The following TRIM71 variants were observed in gnomAD, a reference collection of about 807,000 sequenced individuals.
TRIM71 encodes tripartite motif containing 71.
TRIM71 carries 9 observed loss-of-function variants against 61.2 expected under a neutral mutation model. The ratio of observed to expected loss-of-function variants is 0.15; its 90% confidence interval spans 0.09 to 0.26. TRIM71 has a LOEUF of 0.26. Among genes scored for constraint, TRIM71 ranks in the 10% least tolerant of loss-of-function variants. The pLI, the probability that TRIM71 is intolerant of heterozygous loss-of-function variation, is 1.00. For synonymous variants in TRIM71, 645 were observed against 553.2 expected (o/e 1.17, Z -2.33); for missense variants, 998 against 1,238.7 (o/e 0.81, Z 2.92).
chr3:32,885,120 C>G (rs1207796474), intron 2 of TRIM71, among the ~76,000 whole-genome samples: 1 of 152,138 alleles, frequency 6.6e-6, no homozygotes, highest in Non-Finnish European at 1.5e-5. Flanking sequence ...ATTCCTAAGC[C>G]CATACCAGGC....
chr3:32,875,009 C>T (rs988824027), intron 2 of TRIM71, among the ~76,000 whole-genome samples: 2 of 151,842 alleles, frequency 1.3e-5, no homozygotes, highest in East Asian at 1.9e-4. Flanking sequence ...TTAGTAGAGA[C>T]GGGGTTTCAC....
At chr3:32,834,016 T>A (rs186016628) in intron 1 of TRIM71, among the ~76,000 whole-genome samples, 1 of 152,224 alleles carries the variant, frequency 6.6e-6, no homozygotes, top group African/African-American at 2.4e-5. Flanking sequence ...AAGAGGAAAA[T>A]TCGTTTTTCC....
chr3:32,864,031 G>A (rs1037733147), intron 1 of TRIM71, among the ~76,000 whole-genome samples: 7 of 152,006 alleles, frequency 4.6e-5, no homozygotes, highest in Admixed American at 2.6e-4. Context: ...TATGTACCAC[G>A]GTGTATGTTG....
At chr3:32,845,393 T>G (rs748925043) in intron 1 of TRIM71, among the ~76,000 whole-genome samples, 2 of 152,174 alleles carry the variant, frequency 1.3e-5, no homozygotes, top group Admixed American at 6.5e-5. Context: ...TTTAGTATAT[T>G]CAGGAGTCCC....
rs532251512 is a variant in TRIM71, at chr3:32,823,850, G to C, written c.852+4918G>C. ...CGCCTTTGGGAGGCCGAGGCGGGCG[G>C]ATCACGAGGTCAAGAGATCGAGACC... On this transcript the variant is annotated intron_variant, in intron 1 of 3. Transcript: ENST00000383763. 1.1e-4 allele frequency among the ~76,000 whole-genome samples: 16 copies of C among 152,264 alleles called. No homozygotes were observed. In the South Asian group the frequency reaches 1.2e-3, roughly 12 times the overall value.
intron 1 of TRIM71, among the ~76,000 whole-genome samples, chr3:32,849,732 CT>C (rs1198377461): frequency 1.3e-5 from 2 of 152,178 alleles, no homozygotes; most frequent in Non-Finnish European, 2.9e-5. Context: ...TCCCCTTCCA[CT>C]TTTTTTGTCC....
intron 1 of TRIM71, among the ~76,000 whole-genome samples, chr3:32,857,353 A>T (rs936344080): frequency 6.6e-6 from 1 of 152,222 alleles, no homozygotes; most frequent in Non-Finnish European, 1.5e-5. Context: ...ATGCTACTGC[A>T]GTGTCTCCTA....
chr3:32,836,653 T>C (rs1366720248), intron 1 of TRIM71, among the ~76,000 whole-genome samples: 1 of 152,230 alleles, frequency 6.6e-6, no homozygotes, highest in Non-Finnish European at 1.5e-5. Flanking sequence ...TAATGTTCTG[T>C]CTGTTAGTGA....
chr3:32,853,757 A>G (rs1373655819), intron 1 of TRIM71, among the ~76,000 whole-genome samples: 1 of 152,196 alleles, frequency 6.6e-6, no homozygotes, highest in African/African-American at 2.4e-5. Context: ...CTGTGATCCC[A>G]GCACTTTGGG....
rs1559553001 is a variant in TRIM71, at chr3:32,893,632, C to G, written c.*1821C>G. On this transcript the variant is annotated 3_prime_UTR_variant, in exon 4 of 4. Transcript: ENST00000383763. ...CTGTTCCTCTGTTTAAGAGAAATTT[C>G]TATTGCAAAATGGGTATCGTTTTAA... The G allele has an allele frequency of 6.6e-6, 1 of 152,200 alleles. No homozygotes were observed. Among genetic ancestry groups the G allele is most frequent in the African/African-American group, 2.4e-5 (1 of 41,462 alleles). 9.4% of individuals were successfully genotyped at this position (152,200 alleles called of 1,614,324 possible).
Position 32,818,855 on chromosome 3 carries a change from C to T in TRIM71, c.775C>T (p.Pro259Ser). The change falls in exon 1 of 4, where the codon CCC (proline) becomes TCC (serine). Residue 259 changes from proline (P) to serine (S), a missense_variant. Pro to Ser is a moderately conservative substitution (Grantham distance 74). Around this residue, in one of 5 missense-constraint regions of TRIM71, gnomAD observed 527 missense variants for 427.8 expected, o/e 1.23. Coordinates refer to ENST00000383763, the MANE Select transcript of TRIM71 (RefSeq NM_001039111.3). ...AAAQQLGLGP[P>S]FPGPPFSILS... Reference sequence around the variant, plus strand: ...GGCGCAGCAGCTCGGGCTCGGGCCGCCCTTTCCCGGCCCGCCCTTCTCCAT... The same window carrying T: ...GGCGCAGCAGCTCGGGCTCGGGCCGTCCTTTCCCGGCCCGCCCTTCTCCAT... The T allele has an allele frequency of 6.2e-7, 1 of 1,612,348 alleles. No homozygotes were observed. The highest frequency in any genetic ancestry group is 1.1e-5 in the South Asian group (1 of 91,070).
intron 3 of TRIM71, among the ~76,000 whole-genome samples, chr3:32,889,558 CAATTAT>C (rs1419819386): frequency 8.0e-6 from 1 of 124,372 alleles, no homozygotes; most frequent in Non-Finnish European, 1.7e-5. Flanking sequence ...CGTTTTGTCC[CAATTAT>C]TATTATTATT....
At chr3:32,837,846 G>A (rs1696353512) in intron 1 of TRIM71, among the ~76,000 whole-genome samples, 4 of 152,038 alleles carry the variant, frequency 2.6e-5, no homozygotes, top group African/African-American at 9.7e-5. Context: ...TACCTCTATG[G>A]CATTTAGCTT....
chr3:32,848,643 G>A (rs1256331453), intron 1 of TRIM71, among the ~76,000 whole-genome samples: 1 of 152,164 alleles, frequency 6.6e-6, no homozygotes, highest in Non-Finnish European at 1.5e-5. Context: ...AGGGTCCTGA[G>A]GTTATTTTTC....
intron 1 of TRIM71, among the ~76,000 whole-genome samples, chr3:32,868,264 T>A (rs1696760120): frequency 6.6e-6 from 1 of 152,186 alleles, no homozygotes; most frequent in Non-Finnish European, 1.5e-5. Context: ...TTCACATGGG[T>A]GAAGGTCGAC....
intron 1 of TRIM71, among the ~76,000 whole-genome samples, chr3:32,820,240 G>C (rs1696112608): frequency 6.6e-6 from 1 of 152,198 alleles, no homozygotes; most frequent in South Asian, 2.1e-4. Context: ...GCCCAGCGCC[G>C]CTGCCTTTTC....
At position 32,818,928 on chromosome 3, in the gene TRIM71, A is replaced by G. The variant is rs1270333077; in HGVS notation, c.848A>G (p.Asp283Gly). Reference sequence around the variant, plus strand: ...CTCGGCTTCTGCCAGCACCACGACGACGAGGTGAGTGCGTGGGGGCGTGTG... The same window carrying G: ...CTCGGCTTCTGCCAGCACCACGACGGCGAGGTGAGTGCGTGGGGGCGTGTG... ...ERLGFCQHHD[D>G]EVLHLYCDTC... Residue 283 changes from aspartate (D) to glycine (G), a missense_variant, in exon 1 of 4, where the codon GAC becomes GGC. Asp to Gly is a moderately conservative substitution (Grantham distance 94, BLOSUM62 -1). This residue lies in a region of TRIM71 where 291 missense variants were observed against 431.2 expected (regional missense o/e 0.67). Transcript: ENST00000383763. 6.2e-7 allele frequency: 1 copy of G among 1,611,828 alleles called. No homozygotes were observed.
chr3:32,824,892 T>G (rs887086336), intron 1 of TRIM71, among the ~76,000 whole-genome samples: 13 of 152,170 alleles, frequency 8.5e-5, no homozygotes, highest in African/African-American at 3.1e-4. Context: ...CCTCCCTGGT[T>G]CAAGCAATTC....
chr3:32,827,239 C>T (rs1036241056), intron 1 of TRIM71, among the ~76,000 whole-genome samples: 5 of 148,694 alleles, frequency 3.4e-5, no homozygotes, highest in African/African-American at 1.2e-4. Flanking sequence ...GGAATGAGGT[C>T]CTTTGTCATG....
Sources: gnomAD v4.1 joint callset for allele counts (sites outside exome capture counted in the v4.1 genomes callset) on GRCh38, gnomAD v4.1.1 for gene constraint, gnomAD v4.1.1 regional missense constraint, MANE v1.5 for transcripts, NCBI Gene and HGNC (gene_info 2026-07-23, HGNC 2026-07-21) for gene names.